PTPRG: variants seen among roughly 807,000 people sequenced by gnomAD.
The protein encoded by PTPRG is protein tyrosine phosphatase receptor type G, also known as receptor-type tyrosine-protein phosphatase gamma.
PTPRG carries 102 observed loss-of-function variants against 165.3 expected under a neutral mutation model. The ratio of observed to expected loss-of-function variants is 0.62; its 90% CI spans 0.53 to 0.73. The LOEUF is 0.73. Ranked by LOEUF, PTPRG falls within the 30% of genes least tolerant of loss-of-function variation. The pLI is 0.00. For missense variants in PTPRG, 1,866 were observed against 1,861.4 expected, an observed-to-expected ratio of 1.00 and a Z score of -0.05; for synonymous variants, 675 against 669.5, an observed-to-expected ratio of 1.01 and a Z score of -0.13.
chr3:61,952,572 A>T (rs2039926439), intron 2 of PTPRG, among the ~76,000 whole-genome samples: 2 of 152,098 alleles, frequency 1.3e-5, no homozygotes, highest in Non-Finnish European at 1.5e-5. Context: ...CCCTTTTGAG[A>T]TTAAAGCCCT....
intron 1 of PTPRG, among the ~76,000 whole-genome samples, chr3:61,713,856 C>T (rs907103220): frequency 2.6e-5 from 4 of 152,158 alleles, no homozygotes. Flanking sequence ...TGTTAATAGA[C>T]ATTGTGCTAA....
chr3:62,135,729 A>G (rs1703684412), intron 6 of PTPRG, among the ~76,000 whole-genome samples: 1 of 152,148 alleles, frequency 6.6e-6, no homozygotes, highest in Non-Finnish European at 1.5e-5. Flanking sequence ...GAGAAGGACC[A>G]GGGGTTGGTG....
chr3:61,586,950 T>C (rs936818897), intron 1 of PTPRG, among the ~76,000 whole-genome samples: 1 of 152,044 alleles, frequency 6.6e-6, no homozygotes, highest in African/African-American at 2.4e-5. Flanking sequence ...ACAGAGCAGG[T>C]GTGACTCACC....
chr3:61,650,097 A>G (rs1024421092), intron 1 of PTPRG, among the ~76,000 whole-genome samples: 26 of 152,220 alleles, frequency 1.7e-4, no homozygotes. Context: ...AATAAAACCC[A>G]TAAGCACCAG....
chr3:61,869,175 A>G (rs1034982835), intron 2 of PTPRG, among the ~76,000 whole-genome samples: 2 of 152,196 alleles, frequency 1.3e-5, no homozygotes, highest in Admixed American at 6.5e-5. Flanking sequence ...CTGGATTCAA[A>G]TAGGGAGCAG....
intron 4 of PTPRG, among the ~76,000 whole-genome samples, chr3:62,017,605 T>A (rs2041579916): frequency 8.1e-6 from 1 of 123,462 alleles, no homozygotes; most frequent in African/African-American, 2.9e-5. Flanking sequence ...TTTTTTTTTT[T>A]AGTAGAGACG....
intron 2 of PTPRG, among the ~76,000 whole-genome samples, chr3:61,883,832 C>T (rs79567518): frequency 0.16 from 24,897 of 152,034 alleles, 2,073 homozygotes; most frequent in African/African-American, 0.2. Flanking sequence ...CCACCCCAGC[C>T]TCTCAAGTAG....
At chr3:62,201,759 T>C (rs760724253) in intron 11 of PTPRG, among the ~76,000 whole-genome samples, 19 of 152,246 alleles carry the variant, frequency 1.2e-4, no homozygotes, top group Non-Finnish European at 2.6e-4. Context: ...GGTTATATTA[T>C]ATAATTTTGT....
At chr3:61,790,731 C>A (rs1430534990) in intron 2 of PTPRG, among the ~76,000 whole-genome samples, 2 of 149,118 alleles carry the variant, frequency 1.3e-5, no homozygotes, top group Non-Finnish European at 3.0e-5. Flanking sequence ...TTCAGAAATT[C>A]TTTGACTTCT....
chr3:62,292,697 A>G (rs1702943117), intron 29 of PTPRG, 141 bp downstream of exon 29: 1 of 889,684 alleles, frequency 1.1e-6, no homozygotes, highest in African/African-American at 1.7e-5. Flanking sequence ...TTTGCTTGTC[A>G]CAACTGCAGA....
intron 5 of PTPRG, among the ~76,000 whole-genome samples, chr3:62,091,757 G>A (rs1213655590): frequency 6.6e-6 from 1 of 152,210 alleles, no homozygotes; most frequent in East Asian, 1.9e-4. Flanking sequence ...TACCTGTTCT[G>A]GCAATTTATT....
At chr3:61,772,018 C>T (rs2034221580) in intron 2 of PTPRG, among the ~76,000 whole-genome samples, 1 of 148,728 alleles carries the variant, frequency 6.7e-6, no homozygotes, top group African/African-American at 2.5e-5. Flanking sequence ...CGAGACGATG[C>T]CTCTGCACTC....
At chr3:62,113,613 G>A (rs1464471518) in intron 5 of PTPRG, among the ~76,000 whole-genome samples, 2 of 152,136 alleles carry the variant, frequency 1.3e-5, no homozygotes, top group African/African-American at 2.4e-5. Context: ...AATCATGCTT[G>A]TACAAATGTC....
intron 13 of PTPRG, among the ~76,000 whole-genome samples, chr3:62,227,169 A>T (rs1232743200): frequency 6.6e-6 from 1 of 152,148 alleles, no homozygotes; most frequent in African/African-American, 2.4e-5. Context: ...TGGAACACAG[A>T]TCCCTCCTGT....
At chr3:61,595,335 T>G (rs1700676983) in intron 1 of PTPRG, among the ~76,000 whole-genome samples, 1 of 152,198 alleles carries the variant, frequency 6.6e-6, no homozygotes. Context: ...TAGTGTTACG[T>G]AGCTGCTCAA....
intron 2 of PTPRG, among the ~76,000 whole-genome samples, chr3:61,978,918 G>C (rs1173464196): frequency 6.6e-6 from 1 of 152,164 alleles, no homozygotes; most frequent in South Asian, 2.1e-4. Flanking sequence ...ATCTGGAATT[G>C]ACTGTTTGAT....
chr3:61,766,499 T>G (rs2034019154), intron 2 of PTPRG, among the ~76,000 whole-genome samples: 1 of 152,212 alleles, frequency 6.6e-6, no homozygotes, highest in Non-Finnish European at 1.5e-5. Context: ...GATTTCTATC[T>G]ATATATTAAA....
At chr3:61,639,043 C>T (rs1701994513) in intron 1 of PTPRG, among the ~76,000 whole-genome samples, 1 of 152,084 alleles carries the variant, frequency 6.6e-6, no homozygotes, top group Non-Finnish European at 1.5e-5. Flanking sequence ...CTTATAGTTC[C>T]TGATCTTACA....
intron 1 of PTPRG, among the ~76,000 whole-genome samples, chr3:61,688,278 C>T (rs566555543): frequency 3.0e-4 from 45 of 152,176 alleles, no homozygotes; most frequent in Non-Finnish European, 6.0e-4. Context: ...AGAATTGTTT[C>T]GGACCTCAAG....
Sources: gnomAD v4.1 joint callset for allele counts (sites outside exome capture counted in the v4.1 genomes callset) on GRCh38, gnomAD v4.1.1 for gene constraint, MANE v1.5 for transcripts, NCBI Gene and HGNC (gene_info 2026-07-23, HGNC 2026-07-21) for gene names.